C12orf56: variants seen among roughly 807,000 people sequenced by gnomAD.
C12orf56 encodes uncharacterized protein C12orf56.
A neutral mutation model predicts 69.9 loss-of-function variants in C12orf56; 71 were observed. The observed-to-expected ratio is 1.02, with a 90% CI of 0.84 to 1.24. The LOEUF (loss-of-function observed/expected upper bound fraction) is 1.24. C12orf56 is among the 50% of genes most tolerant of loss of function. The pLI is 0.00. For synonymous variants in C12orf56, 276 were observed against 274.1 expected (o/e 1.01, Z -0.07); for missense variants, 732 against 738.5 (o/e 0.99, Z 0.10).
chr12:64,371,674 A>C (rs1213431738), intron 1 of C12orf56, among the ~76,000 whole-genome samples: 2 of 151,658 alleles, frequency 1.3e-5, no homozygotes, highest in African/African-American at 4.8e-5. Flanking sequence ...TAAGAAAAAT[A>C]CAAAAATTAG....
intron 1 of C12orf56, among the ~76,000 whole-genome samples, chr12:64,363,363 T>A (rs2039422574): frequency 6.6e-6 from 1 of 152,166 alleles, no homozygotes; most frequent in Non-Finnish European, 1.5e-5. Flanking sequence ...GATAGGTAAG[T>A]GTGCAGGAAA....
intron 5 of C12orf56, among the ~76,000 whole-genome samples, chr12:64,310,473 T>G (rs889024109): frequency 6.6e-6 from 1 of 152,208 alleles, no homozygotes; most frequent in South Asian, 2.1e-4. Context: ...CTAGGGCTAC[T>G]TGGTTATCCT....
intron 1 of C12orf56, among the ~76,000 whole-genome samples, chr12:64,366,126 AAT>A (rs1398552434): frequency 7.8e-6 from 1 of 128,226 alleles, no homozygotes; most frequent in Non-Finnish European, 1.5e-5. Flanking sequence ...TAGCTTGTAT[AAT>A]ATATAGTTTA....
At chr12:64,370,457 C>G (rs1390796448) in intron 1 of C12orf56, among the ~76,000 whole-genome samples, 1 of 151,748 alleles carries the variant, frequency 6.6e-6, no homozygotes, top group African/African-American at 2.4e-5. Context: ...TTGAGACCAG[C>G]CTGACCAACA....
At chr12:64,356,744 G>A (rs2039323261) in intron 1 of C12orf56, among the ~76,000 whole-genome samples, 1 of 152,170 alleles carries the variant, frequency 6.6e-6, no homozygotes, top group South Asian at 2.1e-4. Flanking sequence ...AGAGGCAAGG[G>A]GGTGAAGAGA....
At chr12:64,344,416 T>C (rs911498650) in intron 2 of C12orf56, among the ~76,000 whole-genome samples, 8 of 152,220 alleles carry the variant, frequency 5.3e-5, no homozygotes, top group Admixed American at 4.6e-4. Context: ...AGGAATGCAG[T>C]AGGCTTCCTA....
At chr12:64,273,002 A>C (rs2038008774) in intron 11 of C12orf56, among the ~76,000 whole-genome samples, 1 of 152,196 alleles carries the variant, frequency 6.6e-6, no homozygotes, top group Non-Finnish European at 1.5e-5. Flanking sequence ...GTGTCCATAT[A>C]TGGAAAGAGA....
At chr12:64,326,797 CAT>C (rs2038849663) in intron 3 of C12orf56, among the ~76,000 whole-genome samples, 1 of 151,244 alleles carries the variant, frequency 6.6e-6, no homozygotes, top group African/African-American at 2.4e-5. Flanking sequence ...AAAACCCAAA[CAT>C]AAAATTTAGA....
chr12:64,294,587 A>G (rs1367482435), intron 6 of C12orf56, among the ~76,000 whole-genome samples: 3 of 152,190 alleles, frequency 2.0e-5, no homozygotes, highest in Non-Finnish European at 4.4e-5. Flanking sequence ...AAAGACAAGT[A>G]CTATATCATT....
rs1227389991 is a variant in C12orf56 at position 64,267,216 on chromosome 12, T to A, written c.1836A>T (p.Gln612His). The A allele has an allele frequency of 3.7e-6, 6 of 1,611,682 alleles. No homozygotes were observed. In the Admixed American group the frequency reaches 1.0e-4, roughly 27 times the overall value. Reference sequence around the variant, plus strand: ...CCAATTTCAGAACTTCATGAAAAAGTTGAATGGTAGGTTGAGTGATGGGGT... The same window carrying A: ...CCAATTTCAGAACTTCATGAAAAAGATGAATGGTAGGTTGAGTGATGGGGT... ...LCYPITQPTI[Q>H]LFHEVLKLVE Residue 612 changes from glutamine (Q) to histidine (H), a missense_variant, in exon 13 of 13, where the codon CAA becomes CAT. By Grantham distance (24) the Gln-to-His change is conservative. Transcript: ENST00000543942.
chr12:64,385,931 G>GT (rs550739017), intron 1 of C12orf56, among the ~76,000 whole-genome samples: 3 of 152,234 alleles, frequency 2.0e-5, no homozygotes, highest in Non-Finnish European at 4.4e-5. Context: ...TCCTCCCGAG[G>GT]TGGGAGGATC....
At chr12:64,335,312 A>G (rs1203028051) in intron 2 of C12orf56, among the ~76,000 whole-genome samples, 1 of 148,624 alleles carries the variant, frequency 6.7e-6, no homozygotes, top group Non-Finnish European at 1.5e-5. Context: ...GCTACTTGGG[A>G]GGCTGAGGCA....
intron 1 of C12orf56, among the ~76,000 whole-genome samples, chr12:64,373,005 T>C (rs1374516861): frequency 6.6e-6 from 1 of 152,206 alleles, no homozygotes; most frequent in Non-Finnish European, 1.5e-5. Context: ...AATATATCAC[T>C]CTTCTGGTTT....
chr12:64,326,277 A>C (rs909397080), intron 3 of C12orf56, among the ~76,000 whole-genome samples: 5 of 152,180 alleles, frequency 3.3e-5, no homozygotes, highest in African/African-American at 2.4e-5. Context: ...TATATGATAA[A>C]ACATACATGC....
chr12:64,333,337 A>G (rs2038954698), intron 2 of C12orf56, among the ~76,000 whole-genome samples: 1 of 152,146 alleles, frequency 6.6e-6, no homozygotes, highest in African/African-American at 2.4e-5. Flanking sequence ...ATCATCCTGT[A>G]ACAGTCTTAA....
At chr12:64,279,591 ATCT>A (rs1366140398) in intron 8 of C12orf56, among the ~76,000 whole-genome samples, 8 of 152,180 alleles carry the variant, frequency 5.3e-5, no homozygotes, top group African/African-American at 1.7e-4. Context: ...AGGCTTTCTA[ATCT>A]TCTTAGAATC....
chr12:64,272,652 G>A (rs1434672096), intron 11 of C12orf56, among the ~76,000 whole-genome samples: 2 of 149,162 alleles, frequency 1.3e-5, no homozygotes, highest in Non-Finnish European at 3.0e-5. Context: ...CCACACATCA[G>A]TCCATGTAAT....
intron 6 of C12orf56, among the ~76,000 whole-genome samples, chr12:64,296,666 T>C (rs1257097410): frequency 6.6e-6 from 1 of 152,208 alleles, no homozygotes; most frequent in Non-Finnish European, 1.5e-5. Flanking sequence ...ACATGAATTT[T>C]TGGGGCCAAG....
chr12:64,337,131 A>C, intron 2 of C12orf56, among the ~76,000 whole-genome samples: 1 of 152,222 alleles, frequency 6.6e-6, no homozygotes, highest in East Asian at 1.9e-4. Context: ...TACCTTAAAA[A>C]GGCTCATATA....
Sources: allele counts gnomAD v4.1 joint callset (sites outside exome capture counted in the v4.1 genomes callset), GRCh38; gene constraint gnomAD v4.1.1; transcripts MANE v1.5; gene names NCBI Gene and HGNC (gene_info 2026-07-23, HGNC 2026-07-21).